Variants in ARHGAP24 observed in about 807,000 individuals in gnomAD.
ARHGAP24 encodes the protein Rho GTPase activating protein 24, also known as rho GTPase-activating protein 24.
ARHGAP24 carries 50 observed loss-of-function variants against 76.4 expected under a neutral mutation model. The observed-to-expected ratio is 0.65, with a 90% CI of 0.52 to 0.83. ARHGAP24 has a LOEUF of 0.83. Ranked by LOEUF, ARHGAP24 falls within the 40% of genes least tolerant of loss-of-function variation. The pLI, the probability that ARHGAP24 is intolerant of heterozygous loss-of-function variation, is 0.00. For synonymous variants in ARHGAP24, 345 were observed against 323.3 expected (o/e 1.07, Z -0.72); for missense variants, 930 against 914.2 (o/e 1.02, Z -0.22).
chr4:85,533,793 AT>A (rs1725361530), intron 1 of ARHGAP24, among the ~76,000 whole-genome samples: 2 of 152,192 alleles, frequency 1.3e-5, no homozygotes, highest in South Asian at 4.1e-4. Context: ...ATTTGTATAC[AT>A]TCAAATGTAA....
intron 5 of ARHGAP24, among the ~76,000 whole-genome samples, chr4:85,947,633 T>C (rs1737366067): frequency 6.6e-6 from 1 of 152,150 alleles, no homozygotes; most frequent in African/African-American, 2.4e-5. Flanking sequence ...ATGCAAACGG[T>C]CGTAGTCTTT....
chr4:85,632,686 A>G (rs747427286), intron 2 of ARHGAP24, among the ~76,000 whole-genome samples: 20 of 151,226 alleles, frequency 1.3e-4, no homozygotes, highest in Non-Finnish European at 2.7e-4. Context: ...TTAATAACAA[A>G]TTAATGTCTA....
chr4:85,812,586 T>C (rs542247850), intron 3 of ARHGAP24, among the ~76,000 whole-genome samples: 4 of 152,290 alleles, frequency 2.6e-5, no homozygotes, highest in East Asian at 1.9e-4. Context: ...ACCCAGATTC[T>C]GCAGATTGTC....
chr4:85,607,674 T>C (rs1303328547), intron 2 of ARHGAP24, among the ~76,000 whole-genome samples: 2 of 143,118 alleles, frequency 1.4e-5, no homozygotes, highest in Non-Finnish European at 3.0e-5. Context: ...CATTATTTTC[T>C]TTTCTTTTCT....
intron 3 of ARHGAP24, among the ~76,000 whole-genome samples, chr4:85,780,648 A>C (rs1727511141): frequency 6.6e-6 from 1 of 152,198 alleles, no homozygotes; most frequent in Non-Finnish European, 1.5e-5. Context: ...AGAACACCAG[A>C]AAATGAACAA....
intron 3 of ARHGAP24, among the ~76,000 whole-genome samples, chr4:85,864,115 G>A (rs1732056565): frequency 6.6e-6 from 1 of 152,120 alleles, no homozygotes; most frequent in Admixed American, 6.6e-5. Flanking sequence ...GGCAGAGAAG[G>A]GAAGATGGAG....
At chr4:85,617,919 A>G (rs939844802) in intron 2 of ARHGAP24, among the ~76,000 whole-genome samples, 2 of 152,206 alleles carry the variant, frequency 1.3e-5, no homozygotes, top group Non-Finnish European at 2.9e-5. Context: ...TGATATTTGT[A>G]TACACTGTGA....
chr4:85,727,557 A>G (rs966682008), intron 3 of ARHGAP24, among the ~76,000 whole-genome samples: 8 of 152,192 alleles, frequency 5.3e-5, no homozygotes, highest in African/African-American at 1.4e-4. Context: ...GGTGGATTCT[A>G]CGGATGGAGT....
chr4:85,807,270 C>T (rs1728830105), intron 3 of ARHGAP24, among the ~76,000 whole-genome samples: 1 of 151,860 alleles, frequency 6.6e-6, no homozygotes, highest in Non-Finnish European at 1.5e-5. Context: ...ACCTCCCCAC[C>T]CCCAACAGAC....
intron 3 of ARHGAP24, chr4:85,827,716 A>G (rs1206359739): frequency 3.0e-6 from 1 of 330,362 alleles, no homozygotes; most frequent in Non-Finnish European, 6.0e-6. Context: ...GCTTGTGGTC[A>G]CCTTGTGGTG....
At position 85,486,250 on chromosome 4, in the gene ARHGAP24, A is replaced by T. The variant is rs74860505; in HGVS notation, c.-21+10691A>T. 6.2e-4 allele frequency among the ~76,000 whole-genome samples: 94 copies of T among 152,176 alleles called. No homozygotes were observed. The East Asian group carries it at 0.012, about 20-fold the overall frequency. ...TTTTGGGGGGATATGTGATACCCTA[A>T]CAAGGAGGAATTTGAAAATGTATGA... is the stretch of plus-strand genomic sequence containing the variant. On this transcript the variant is annotated intron_variant, in intron 1 of 9. Coordinates refer to ENST00000395184, the MANE Select transcript of ARHGAP24 (RefSeq NM_001025616.3).
chr4:85,841,748 C>G (rs1323261030), intron 3 of ARHGAP24, among the ~76,000 whole-genome samples: 1 of 152,172 alleles, frequency 6.6e-6, no homozygotes. Flanking sequence ...AAAACACATT[C>G]ATGGAGCACA....
Position 85,475,201 on chromosome 4 carries a change from T to C in ARHGAP24, c.-379T>C, listed in dbSNP as rs1437063522. On this transcript the variant is annotated 5_prime_UTR_variant, in exon 1 of 10. It removes an upstream start codon present in the reference 5' UTR. Transcript: ENST00000395184. ...CAACTGCTAGGATTTCTCAAGTGCA[T>C]GTGGCAACACAGCCCAGCTCCGGGT... The C allele has an allele frequency of 6.6e-6, 1 of 152,538 alleles. No homozygotes were observed. Among genetic ancestry groups the C allele is most frequent in the Non-Finnish European group, 1.5e-5 (1 of 68,342 alleles). The allele number at this position is 152,538 out of a possible 1,614,324, so 9.4% of individuals were successfully genotyped here.
chr4:85,575,021 C>T (rs1377182334), intron 2 of ARHGAP24, among the ~76,000 whole-genome samples: 1 of 152,340 alleles, frequency 6.6e-6, no homozygotes, highest in East Asian at 1.9e-4. Flanking sequence ...TAAACAATGA[C>T]TTTCCAGTGC....
At chr4:85,626,657 A>G (rs529246185) in intron 2 of ARHGAP24, among the ~76,000 whole-genome samples, 71 of 152,272 alleles carry the variant, frequency 4.7e-4, no homozygotes, top group African/African-American at 1.6e-3. Flanking sequence ...CCTGGATAAT[A>G]TCCTGCAGAG....
intron 3 of ARHGAP24, among the ~76,000 whole-genome samples, chr4:85,859,633 G>A (rs543966855): frequency 1.3e-5 from 2 of 152,200 alleles, no homozygotes; most frequent in African/African-American, 4.8e-5. Flanking sequence ...CATGCTAATA[G>A]CTACTGTTTT....
At chr4:85,545,204 A>G (rs912655957) in intron 1 of ARHGAP24, among the ~76,000 whole-genome samples, 2 of 151,760 alleles carry the variant, frequency 1.3e-5, no homozygotes, top group African/African-American at 4.9e-5. Flanking sequence ...GGTTCAAGCG[A>G]TTCTCCTGCC....
At chr4:85,839,212 T>G (rs937820444) in intron 3 of ARHGAP24, among the ~76,000 whole-genome samples, 1 of 152,186 alleles carries the variant, frequency 6.6e-6, no homozygotes, top group African/African-American at 2.4e-5. Context: ...AAAGAGTAAT[T>G]TGTAAGTATG....
chr4:85,487,760 ATT>A (rs1723166204), intron 1 of ARHGAP24, among the ~76,000 whole-genome samples: 1 of 106,924 alleles, frequency 9.4e-6, no homozygotes, highest in Non-Finnish European at 1.7e-5. Context: ...TTTATTATAT[ATT>A]ATATAATATA....
Sources: allele counts gnomAD v4.1 joint callset (sites outside exome capture counted in the v4.1 genomes callset), GRCh38; gene constraint gnomAD v4.1.1; transcripts MANE v1.5; gene names NCBI Gene and HGNC (gene_info 2026-07-23, HGNC 2026-07-21).